The following RMP64 variants were observed in gnomAD, a reference collection of about 807,000 sequenced individuals.
The protein encoded by RMP64 is ribonuclease MRP subunit p64, also known as nucleolus and neural progenitor protein.
chr3:113,013,534 G>A, the RMP64 span: 2 of 811,870 alleles, frequency 2.5e-6, no homozygotes, highest in Non-Finnish European at 3.8e-6. Flanking sequence ...GAGATGCATA[G>A]GGCAAGGTAT....
the RMP64 span, chr3:113,003,894 G>T: frequency 6.6e-6 from 1 of 152,150 alleles, no homozygotes; most frequent in African/African-American, 2.4e-5. Context: ...TCAGCTAAAT[G>T]AAGTATTAAA....
chr3:113,016,565 G>A, the RMP64 span, among the ~76,000 whole-genome samples: 75 of 152,164 alleles, frequency 4.9e-4, 1 homozygote, highest in Middle Eastern at 6.8e-3. Context: ...AAAAGACTCC[G>A]AAAAAGATAA....
the RMP64 span, chr3:113,019,550 G>A: frequency 3.1e-6 from 5 of 1,612,830 alleles, no homozygotes; most frequent in Non-Finnish European, 3.4e-6. Context: ...ACCAAGGGCC[G>A]CGCCGGGGTT....
chr3:113,005,243 C>T, the RMP64 span: 3 of 372,992 alleles, frequency 8.0e-6, no homozygotes, highest in Non-Finnish European at 1.5e-5. Context: ...TTCAGTTTTT[C>T]AGAGACTTAC....
the RMP64 span, chr3:113,011,364 A>C: frequency 6.3e-7 from 1 of 1,599,652 alleles, no homozygotes. Flanking sequence ...ACAAAGGCTC[A>C]TATAACAAAA....
the RMP64 span, among the ~76,000 whole-genome samples, chr3:113,012,340 G>A: frequency 3.0e-4 from 46 of 152,224 alleles, no homozygotes; most frequent in Non-Finnish European, 5.4e-4. Context: ...CATTTTAAAC[G>A]GCCTGTTGCA....
chr3:113,009,790 A>C, the RMP64 span, among the ~76,000 whole-genome samples: 7 of 152,214 alleles, frequency 4.6e-5, no homozygotes, highest in Non-Finnish European at 7.3e-5. Flanking sequence ...ATATAAAAGC[A>C]CTTAGAACAA....
the RMP64 span, chr3:113,010,712 G>A: frequency 6.2e-7 from 1 of 1,610,878 alleles, no homozygotes; most frequent in Non-Finnish European, 8.5e-7. Flanking sequence ...CTTCTGTGGA[G>A]GTGGAAAAAT....
chr3:113,008,826 A>G, the RMP64 span: 1 of 171,202 alleles, frequency 5.8e-6, no homozygotes, highest in Non-Finnish European at 1.3e-5. Flanking sequence ...TTGACATAGG[A>G]AAGTTAACAT....
the RMP64 span, chr3:113,005,541 C>T: frequency 1.3e-6 from 2 of 1,597,590 alleles, no homozygotes; most frequent in Non-Finnish European, 1.7e-6. Flanking sequence ...AACATCTAAA[C>T]TCCCATTAAA....
At chr3:113,014,093 T>C in the RMP64 span, 2 of 1,021,616 alleles carry the variant, frequency 2.0e-6, no homozygotes, top group Admixed American at 1.8e-5. Context: ...TCACTGATTA[T>C]GACCAGGAAA....
chr3:113,010,670 G>A, the RMP64 span: 2 of 1,613,642 alleles, frequency 1.2e-6, no homozygotes, highest in Non-Finnish European at 1.7e-6. Flanking sequence ...TCAGCTGGTT[G>A]CAGAAAGCCC....
At chr3:113,011,829 G>A in the RMP64 span, among the ~76,000 whole-genome samples, 10 of 151,970 alleles carry the variant, frequency 6.6e-5, no homozygotes, top group Non-Finnish European at 1.3e-4. Context: ...AGTATCAAAG[G>A]TTTAGCATTT....
At chr3:113,005,530 G>C in the RMP64 span, 7 of 1,554,820 alleles carry the variant, frequency 4.5e-6, no homozygotes, top group East Asian at 2.2e-5. Context: ...ACATATGAAC[G>C]AACATCTAAA....
chr3:113,014,045 G>C, the RMP64 span: 4 of 1,583,084 alleles, frequency 2.5e-6, no homozygotes, highest in Non-Finnish European at 3.5e-6. Flanking sequence ...GAAAGAAGAA[G>C]AGCAGTTCAA....
the RMP64 span, chr3:113,011,050 AAG>A: frequency 6.3e-7 from 1 of 1,582,164 alleles, no homozygotes; most frequent in Non-Finnish European, 8.6e-7. Flanking sequence ...ATTACCTTTG[AAG>A]ACTCTCTTAT....
At chr3:113,006,735 C>T in the RMP64 span, among the ~76,000 whole-genome samples, 1 of 152,154 alleles carries the variant, frequency 6.6e-6, no homozygotes, top group African/African-American at 2.4e-5. Flanking sequence ...ATGATCTTTG[C>T]TTCCATACCA....
chr3:113,013,449 G>T, the RMP64 span: 3 of 1,386,386 alleles, frequency 2.2e-6, no homozygotes, highest in Admixed American at 2.7e-5. Flanking sequence ...TAAAAAAAAA[G>T]GGTTTTTTTT....
chr3:113,005,469 G>T, the RMP64 span: 1 of 1,002,450 alleles, frequency 1.0e-6, no homozygotes, highest in Non-Finnish European at 1.5e-6. Context: ...CCAGATCTTA[G>T]CAGTTCTACT....
Sources: gnomAD v4.1 joint callset for allele counts (sites outside exome capture counted in the v4.1 genomes callset) on GRCh38, gnomAD v4.1.1 for gene constraint, MANE v1.5 for transcripts, NCBI Gene and HGNC (gene_info 2026-07-23, HGNC 2026-07-21) for gene names.